Variants in MEIS2 observed in about 807,000 individuals in gnomAD.
MEIS2 encodes Meis homeobox 2, also known as homeobox protein Meis2.
A neutral mutation model predicts 58.6 loss-of-function variants in MEIS2; 9 were observed. The observed-to-expected ratio is 0.15, with a 90% CI of 0.09 to 0.27. The LOEUF (loss-of-function observed/expected upper bound fraction) is 0.27, where lower values mean the gene tolerates loss of function less well. Among genes scored for constraint, MEIS2 ranks in the 10% least tolerant of loss-of-function variants. The pLI is 1.00. For synonymous variants in MEIS2, 221 were observed against 228.4 expected (o/e 0.97, Z 0.29); for missense variants, 427 against 635.0 (o/e 0.67, Z 3.52).
chr15:37,031,815 TTGTGTGTGTGTGTGTGTGTG>T (rs66770353), intron 8 of MEIS2, among the ~76,000 whole-genome samples: 21 of 134,126 alleles, frequency 1.6e-4, no homozygotes, highest in African/African-American at 5.1e-4. Flanking sequence ...TTACATCACT[TTGTGTGTGTGTGTGTGTGTG>T]TGTGTGTGTG....
intron 8 of MEIS2, among the ~76,000 whole-genome samples, chr15:37,028,008 G>T (rs2061767459): frequency 6.6e-6 from 1 of 152,100 alleles, no homozygotes; most frequent in South Asian, 2.1e-4. Flanking sequence ...TATGGGTTTG[G>T]ACAAATGTAT....
chr15:36,936,601 A>C (rs2058185270), intron 9 of MEIS2, among the ~76,000 whole-genome samples: 1 of 152,262 alleles, frequency 6.6e-6, no homozygotes. Context: ...AAGATGTATT[A>C]TAAAATGTAG....
chr15:37,061,940 TA>T (rs1889272520), intron 7 of MEIS2, among the ~76,000 whole-genome samples: 1 of 152,166 alleles, frequency 6.6e-6, no homozygotes, highest in African/African-American at 2.4e-5. Flanking sequence ...TAATATAATT[TA>T]AAAATTTCAA....
chr15:37,100,134 C>CT lies in MEIS2; in HGVS notation c.-669dup. ...CGGTATCTATAATACGATCCTCTCT[C>CT]TTTAAAGTATTGTTCAAAGAAAGCA... On this transcript the variant is annotated 5_prime_UTR_variant, in exon 1 of 12. Coordinates refer to ENST00000561208, the MANE Select transcript of MEIS2 (RefSeq NM_170675.5). The CT allele has an allele frequency of 7.1e-6, 1 of 140,284 alleles. No homozygotes were observed. 8.7% of individuals were successfully genotyped at this position (140,284 alleles called of 1,614,324 possible).
rs534795913 is a variant in MEIS2 at position 37,098,307 on chromosome 15, G to A, written c.13-108C>T. On this transcript the variant is annotated intron_variant, in intron 1 of 11. Coordinates refer to ENST00000561208, the MANE Select transcript of MEIS2 (RefSeq NM_170675.5). ...AGAAGAGGGCGAACAGAAAAGAGAGGAAGGGATAAAGATGAGAGAGAGGGA... is the reference window on the plus strand; with the variant it reads ...AGAAGAGGGCGAACAGAAAAGAGAGAAAGGGATAAAGATGAGAGAGAGGGA... The A allele has an allele frequency of 1.8e-4, 229 of 1,254,166 alleles. No individual in the cohort carries two copies. The African/African-American group carries it at 2.5e-3, about 14-fold the overall frequency. The allele number at this position is 1,254,166 out of a possible 1,614,324, so 77.7% of individuals were successfully genotyped here. A position where few individuals can be genotyped will look rare whatever the true frequency, so the allele number is the denominator to read the frequency against.
At chr15:37,032,813 A>G in intron 8 of MEIS2, among the ~76,000 whole-genome samples, 1 of 152,314 alleles carries the variant, frequency 6.6e-6, no homozygotes. Context: ...CGAAACAAAA[A>G]AATTGAGGCT....
intron 7 of MEIS2, among the ~76,000 whole-genome samples, chr15:37,041,978 A>G (rs1238241847): frequency 2.6e-5 from 4 of 151,934 alleles, no homozygotes; most frequent in African/African-American, 9.7e-5. Context: ...GGAGTTTGAG[A>G]CCAACCTGGG....
chr15:36,894,037 T>G (rs1302298947), intron 11 of MEIS2, among the ~76,000 whole-genome samples: 1 of 152,234 alleles, frequency 6.6e-6, no homozygotes, highest in East Asian at 1.9e-4. Flanking sequence ...TTAATCCAAC[T>G]GCAGCCATTC....
chr15:37,083,883 G>C lies in MEIS2; in HGVS notation c.642C>G (p.Asn214Lys), dbSNP rs1892560918. Residue 214 changes from asparagine to lysine, a missense_variant and splice_region_variant, in exon 7 of 12, where the codon AAC becomes AAG. Physicochemically the swap from Asn to Lys is moderately conservative, Grantham distance 94. This residue lies in a region of MEIS2 where 138 missense variants were observed against 263.0 expected (regional missense o/e 0.52). Coordinates refer to ENST00000561208, the MANE Select transcript of MEIS2 (RefSeq NM_170675.5). ...SGSSTNLADH[N>K]PSSWRDHDDA... ...CATCGTGGTCTCGCCAAGAAGAAGGGTTCTGATGTCAGGATACCAAGGAAT... is the reference window on the plus strand; with the variant it reads ...CATCGTGGTCTCGCCAAGAAGAAGGCTTCTGATGTCAGGATACCAAGGAAT... The C allele has an allele frequency of 6.2e-7, 1 of 1,613,614 alleles. No homozygotes were observed.
intron 7 of MEIS2, among the ~76,000 whole-genome samples, chr15:37,049,777 G>A (rs927228041): frequency 3.3e-5 from 5 of 150,154 alleles, no homozygotes; most frequent in African/African-American, 9.7e-5. Flanking sequence ...GTGAGCCACC[G>A]CAGCTGGCCT....
chr15:37,069,039 T>A (rs1424901719), intron 7 of MEIS2, among the ~76,000 whole-genome samples: 1 of 152,204 alleles, frequency 6.6e-6, no homozygotes, highest in Non-Finnish European at 1.5e-5. Context: ...TTGCTGTAAT[T>A]TTACGTTAGC....
chr15:36,996,409 C>T (rs921915560), intron 8 of MEIS2, among the ~76,000 whole-genome samples: 15 of 152,064 alleles, frequency 9.9e-5, no homozygotes, highest in African/African-American at 3.6e-4. Context: ...AACTGTTCCT[C>T]CTCCCCTATT....
chr15:36,906,174 G>T (rs1160672527), intron 9 of MEIS2, among the ~76,000 whole-genome samples: 3 of 152,182 alleles, frequency 2.0e-5, no homozygotes, highest in Admixed American at 2.0e-4. Flanking sequence ...TGATTAACAC[G>T]CAATCTGGTA....
In MEIS2 at chr15:37,099,551, C is replaced by CA; in HGVS notation, c.-86_-85insT. 8.3e-7 allele frequency: 1 copy of CA among 1,198,434 alleles called. No homozygotes were observed. Among genetic ancestry groups the CA allele is most frequent in the Non-Finnish European group, 1.1e-6 (1 of 874,868 alleles). 74.2% of individuals were successfully genotyped at this position (1,198,434 alleles called of 1,614,324 possible). A position where few individuals can be genotyped will look rare whatever the true frequency, so the allele number is the denominator to read the frequency against. ...AGAAAGTGATCTAGGCTGAAGATTC[C>CA]TTTTTTTTTTTTCCAAACCAAAGAG... On this transcript the variant is annotated 5_prime_UTR_variant, in exon 1 of 12. In the 5' UTR this introduces an upstream ATG that the reference lacks. Coordinates refer to ENST00000561208, the MANE Select transcript of MEIS2 (RefSeq NM_170675.5).
chr15:37,029,443 C>T (rs1447309251), intron 8 of MEIS2, among the ~76,000 whole-genome samples: 4 of 152,102 alleles, frequency 2.6e-5, no homozygotes, highest in Non-Finnish European at 4.4e-5. Flanking sequence ...GCAGAAATAA[C>T]TAATGTCCAT....
intron 9 of MEIS2, among the ~76,000 whole-genome samples, chr15:36,910,877 T>C (rs2056980694): frequency 6.6e-6 from 1 of 152,034 alleles, no homozygotes; most frequent in Non-Finnish European, 1.5e-5. Flanking sequence ...AAACCCTGTC[T>C]CTACTAAAAA....
chr15:36,996,040 CACACACATATATATATACACACACAT>C lies in MEIS2; in HGVS notation c.900+40748_900+40773del, dbSNP rs1239989584. On this transcript the variant is annotated intron_variant, in intron 8 of 11. Transcript: ENST00000561208. Reference sequence around the variant, plus strand: ...ACATATGTGTATATATATACACACACACACACATATATATATACACACACATATATATATATATATTTTTAAATATT... The same window carrying C: ...ACATATGTGTATATATATACACACACATATATATATATATTTTTAAATATT... 1.1e-3 allele frequency among the ~76,000 whole-genome samples: 115 copies of C among 105,086 alleles called. 1 individual carries two copies. The highest frequency in any genetic ancestry group is 3.1e-3 in the African/African-American group (104 of 33,274). The allele number at this position is 105,086 out of a possible 152,430, so 68.9% of individuals were successfully genotyped here. A position where few individuals can be genotyped will look rare whatever the true frequency, so the allele number is the denominator to read the frequency against.
chr15:37,043,748 C>T (rs960826304), intron 7 of MEIS2, among the ~76,000 whole-genome samples: 10 of 139,230 alleles, frequency 7.2e-5, no homozygotes, highest in African/African-American at 2.7e-4. Context: ...AGTGCAGTGG[C>T]GCAACCTTGG....
chr15:36,931,104 A>T (rs2057959755), intron 9 of MEIS2, among the ~76,000 whole-genome samples: 1 of 152,188 alleles, frequency 6.6e-6, no homozygotes, highest in Admixed American at 6.5e-5. Context: ...GTTTTGATAG[A>T]TTCCCTGACT....
Sources: gnomAD v4.1 joint callset for allele counts (sites outside exome capture counted in the v4.1 genomes callset) on GRCh38, gnomAD v4.1.1 for gene constraint, gnomAD v4.1.1 regional missense constraint, MANE v1.5 for transcripts, NCBI Gene and HGNC (gene_info 2026-07-23, HGNC 2026-07-21) for gene names.